The following BMP1 variants were observed in gnomAD, a reference collection of about 807,000 sequenced individuals.
The protein encoded by BMP1 is bone morphogenetic protein 1.
BMP1 carries 63 observed loss-of-function variants against 116.8 expected under a neutral mutation model. The ratio of observed to expected loss-of-function variants is 0.54; its 90% CI spans 0.44 to 0.67. The LOEUF is 0.67. Among genes scored for constraint, BMP1 ranks in the 30% least tolerant of loss-of-function variants. The probability of loss-of-function intolerance (pLI) is 0.00; values close to 1 mark genes in which losing one functional copy is unlikely to be tolerated. For missense variants in BMP1, 1,183 were observed against 1,358.9 expected (o/e 0.87, Z 2.04); for synonymous variants, 536 against 533.4 (o/e 1.00, Z -0.07).
At chr8:22,191,538 G>A (rs1828931098) in intron 8 of BMP1, among the ~76,000 whole-genome samples, 1 of 152,194 alleles carries the variant, frequency 6.6e-6, no homozygotes, top group African/African-American at 2.4e-5. Flanking sequence ...GGGAGGTGGA[G>A]GCTGCAGTGA....
At chr8:22,173,570 A>G in intron 1 of BMP1, 32 bp from the exon 2 acceptor site, 1 of 1,550,888 alleles carries the variant, frequency 6.4e-7, no homozygotes, top group Middle Eastern at 1.9e-4. Flanking sequence ...TAGGAGGATT[A>G]ACTCAGCCCT....
chr8:22,201,801 A>G lies in BMP1; in HGVS notation c.2108-2A>G. Reference sequence around the variant, plus strand: ...CGTCTGCCCTTATTTGCTCCCCTGCAGACAAGGACGAGTGCTCCAAGGATA... The same window carrying G: ...CGTCTGCCCTTATTTGCTCCCCTGCGGACAAGGACGAGTGCTCCAAGGATA... On this transcript the variant is annotated splice_acceptor_variant, in intron 15 of 19. Coordinates refer to ENST00000306385, the MANE Select transcript of BMP1 (RefSeq NM_006129.5). LOFTEE classifies it high-confidence loss of function. 1 of 1,613,502 alleles carries G rather than the reference A, an allele frequency of 6.2e-7. No homozygotes were observed. The highest frequency in any genetic ancestry group is 8.5e-7 in the Non-Finnish European group (1 of 1,179,986).
intron 8 of BMP1, among the ~76,000 whole-genome samples, chr8:22,181,613 C>T (rs889653045): frequency 6.6e-6 from 1 of 150,970 alleles, no homozygotes. Context: ...AGTGCAGTGG[C>T]GCGATCTCAG....
intron 16 of BMP1, among the ~76,000 whole-genome samples, chr8:22,205,632 A>G (rs923915156): frequency 6.6e-6 from 1 of 152,202 alleles, no homozygotes; most frequent in East Asian, 1.9e-4. Context: ...AATGAAAAAA[A>G]TTACCCAGGT....
At chr8:22,186,502 CTG>C (rs1178990180) in intron 8 of BMP1, among the ~76,000 whole-genome samples, 1 of 152,090 alleles carries the variant, frequency 6.6e-6, no homozygotes, top group Non-Finnish European at 1.5e-5. Context: ...GAGTCTCACT[CTG>C]TTGCCCAGGC....
chr8:22,201,286 C>T, intron 15 of BMP1: 1 of 1,526,114 alleles, frequency 6.6e-7, no homozygotes, highest in East Asian at 2.3e-5. Flanking sequence ...TGCCCACCAA[C>T]CCCCCACCTC....
At position 22,165,562 on chromosome 8, in the gene BMP1, C is replaced by T. The variant is rs752974413; in HGVS notation, c.148+9C>T. ...AGACCCCTGCAAGGCGGGTGAGCGCCCCCCGGCCCCCCGGCGACGGGCCAG... is the reference window on the plus strand; with the variant it reads ...AGACCCCTGCAAGGCGGGTGAGCGCTCCCCGGCCCCCCGGCGACGGGCCAG... On this transcript the variant is annotated intron_variant, in intron 1 of 19. Coordinates refer to ENST00000306385, the MANE Select transcript of BMP1 (RefSeq NM_006129.5). The T allele has an allele frequency of 2.5e-6, 4 of 1,571,956 alleles. No individual in the cohort carries two copies. The highest frequency in any genetic ancestry group is 3.4e-6 in the Non-Finnish European group (4 of 1,163,222).
In BMP1 at chr8:22,192,298, C is replaced by T. The variant is rs1347416141; in HGVS notation, c.1180+147C>T. ...GCCAGGAGTCCTGGCATCATTAGTC[C>T]CAGATAGCTGCATTACTCACTTGCT... On this transcript the variant is annotated intron_variant, in intron 9 of 19. Transcript: ENST00000306385. 1.6e-5 allele frequency: 10 copies of T among 637,706 alleles called. 1 individual carries two copies. Among genetic ancestry groups the T allele is most frequent in the Non-Finnish European group, 1.6e-5 (6 of 366,392 alleles). 39.5% of individuals were successfully genotyped at this position (637,706 alleles called of 1,614,324 possible).
chr8:22,183,300 C>T (rs1053338468), intron 8 of BMP1, among the ~76,000 whole-genome samples: 14 of 152,140 alleles, frequency 9.2e-5, no homozygotes, highest in Non-Finnish European at 1.9e-4. Context: ...TTGGTAGTTC[C>T]AGCTACTCGG....
At chr8:22,193,760 G>T (rs1828998891) in intron 9 of BMP1, among the ~76,000 whole-genome samples, 1 of 152,120 alleles carries the variant, frequency 6.6e-6, no homozygotes, top group African/African-American at 2.4e-5. Flanking sequence ...CTCCAGCCTG[G>T]GTGACAGAGC....
At chr8:22,198,995 T>C (rs1286482212) in intron 15 of BMP1, 40 of 1,303,506 alleles carry the variant, frequency 3.1e-5, no homozygotes, top group Non-Finnish European at 4.0e-5. Flanking sequence ...CTTACTCTCG[T>C]CTCTTCCTGC....
At chr8:22,205,704 G>T (rs753980465) in intron 16 of BMP1, among the ~76,000 whole-genome samples, 1 of 152,220 alleles carries the variant, frequency 6.6e-6, no homozygotes, top group Admixed American at 6.5e-5. Flanking sequence ...GAGCCTAGGA[G>T]CTCAAGGCTA....
intron 8 of BMP1, among the ~76,000 whole-genome samples, chr8:22,182,443 A>AC (rs573379914): frequency 5.1e-4 from 77 of 152,342 alleles, no homozygotes; most frequent in African/African-American, 1.8e-3. Flanking sequence ...CTATCCAGCC[A>AC]CAGGTGACCA....
chr8:22,195,914 G>T (rs1563266665), intron 13 of BMP1, among the ~76,000 whole-genome samples: 2 of 152,076 alleles, frequency 1.3e-5, no homozygotes, highest in South Asian at 4.2e-4. Context: ...CTCCCAAAGT[G>T]CTGGGATCAC....
chr8:22,206,336 T>C (rs999842082), intron 16 of BMP1, among the ~76,000 whole-genome samples: 5 of 152,102 alleles, frequency 3.3e-5, no homozygotes, highest in Admixed American at 3.3e-4. Context: ...ACCCCGTCTC[T>C]ACTAAAAATA....
intron 8 of BMP1, among the ~76,000 whole-genome samples, chr8:22,180,838 G>C (rs1828599576): frequency 6.6e-6 from 1 of 152,174 alleles, no homozygotes. Flanking sequence ...GCACAGGGTG[G>C]TTAAGTAACT....
At chr8:22,203,556 C>CAAAAAAT (rs1019611332) in intron 16 of BMP1, among the ~76,000 whole-genome samples, 2 of 152,056 alleles carry the variant, frequency 1.3e-5, no homozygotes, top group African/African-American at 4.8e-5. Context: ...GACTCCGTTT[C>CAAAAAAT]AAAAAATAAA....
intron 9 of BMP1, among the ~76,000 whole-genome samples, chr8:22,193,466 A>G (rs1252546267): frequency 3.3e-5 from 5 of 152,242 alleles, no homozygotes; most frequent in Non-Finnish European, 5.9e-5. Flanking sequence ...GGTAAATAGA[A>G]CACATATATA....
intron 8 of BMP1, among the ~76,000 whole-genome samples, chr8:22,183,851 C>T (rs1828694003): frequency 6.6e-6 from 1 of 152,140 alleles, no homozygotes; most frequent in South Asian, 2.1e-4. Flanking sequence ...GCTGGGATTA[C>T]AGACGTGAGC....
Sources: gnomAD v4.1 joint callset for allele counts (sites outside exome capture counted in the v4.1 genomes callset) on GRCh38, gnomAD v4.1.1 for gene constraint, MANE v1.5 for transcripts, NCBI Gene and HGNC (gene_info 2026-07-23, HGNC 2026-07-21) for gene names.